Variants in SORBS3 observed in about 807,000 individuals in gnomAD.
SORBS3 encodes vinexin.
Under a neutral mutation model 98.0 loss-of-function variants are expected in SORBS3, and 69 were observed. That is an observed-to-expected ratio of 0.70 (90% confidence interval 0.58 to 0.86). SORBS3 has a LOEUF of 0.86. SORBS3 is among the 40% of genes least tolerant of loss of function. The pLI is 0.00. For synonymous variants in SORBS3, 394 were observed against 355.4 expected (o/e 1.11, Z -1.22); for missense variants, 954 against 908.5 (o/e 1.05, Z -0.64).
At chr8:22,570,215 G>C (rs1250665614) in intron 17 of SORBS3, among the ~76,000 whole-genome samples, 3 of 152,204 alleles carry the variant, frequency 2.0e-5, no homozygotes, top group South Asian at 2.1e-4. Context: ...AGGGACAGAG[G>C]GGGAAGAAGG....
Position 22,554,897 on chromosome 8 carries a change from T to G in SORBS3, c.137T>G (p.Leu46Arg). The G allele has an allele frequency of 6.3e-7, 1 of 1,585,774 alleles. No individual in the cohort carries two copies. The highest frequency in any genetic ancestry group is 8.6e-7 in the Non-Finnish European group (1 of 1,161,750). ...PVIRNGGSNT[L>R]NFQFHDPAPR... ...ATCCGGAATGGTGGCTCCAACACCC[T>G]TAATTTCCAGTTCCACGACCCCGCG... The change falls in exon 3 of 21, where the codon CTT becomes CGT. Residue 46 changes from leucine (L) to arginine (R), a missense_variant. Physicochemically the swap from Leu to Arg is moderately radical, Grantham distance 102. Coordinates refer to ENST00000240123, the MANE Select transcript of SORBS3 (RefSeq NM_005775.5). This position sits in a 1 kb window ranked among gnomAD's most constrained non-coding sequence, Gnocchi z 6.5.
intron 1 of SORBS3, among the ~76,000 whole-genome samples, chr8:22,553,419 G>A (rs1296846586): frequency 3.9e-5 from 6 of 152,216 alleles, no homozygotes; most frequent in Non-Finnish European, 7.3e-5. Context: ...CAGCCAAGAC[G>A]CGGAGGGATG....
At chr8:22,553,328 A>G (rs1426839427) in intron 1 of SORBS3, among the ~76,000 whole-genome samples, 3 of 152,276 alleles carry the variant, frequency 2.0e-5, no homozygotes, top group South Asian at 2.1e-4. Context: ...AGAGCCCCCA[A>G]GGACCCCACA....
chr8:22,571,035 G>C lies in SORBS3; in HGVS notation c.1557G>C (p.Arg519=). Residue 519 remains arginine, a synonymous_variant, in exon 18 of 21, where the codon CGG becomes CGC. Transcript: ENST00000240123. The part of the protein sequence containing the change: ...YVQVSREPRL[R]LCDDGPQLPT... ...AGGTGTCTCGTGAACCCCGGCTCCGGCTCTGTGACGACGGCCCCCAGCTCC... is the reference window on the plus strand; with the variant it reads ...AGGTGTCTCGTGAACCCCGGCTCCGCCTCTGTGACGACGGCCCCCAGCTCC... 1 of 1,613,494 alleles carries C rather than the reference G, an allele frequency of 6.2e-7. No homozygotes were observed. Among genetic ancestry groups the C allele is most frequent in the South Asian group, 1.1e-5 (1 of 91,074 alleles).
intron 10 of SORBS3, chr8:22,564,830 T>C (rs1485267028): frequency 1.6e-6 from 2 of 1,252,756 alleles, no homozygotes; most frequent in Admixed American, 7.4e-5. Flanking sequence ...AGGGCCTGAT[T>C]CGGCGAAGAC....
Position 22,569,231 on chromosome 8 carries a change from C to T in SORBS3, c.1389C>T (p.Tyr463=), listed in dbSNP as rs1242109898. The change falls in exon 17 of 21, where the codon TAC becomes TAT. Residue 463 remains tyrosine, a synonymous_variant. Coordinates refer to ENST00000240123, the MANE Select transcript of SORBS3 (RefSeq NM_005775.5). ...AGTATGGAGAGGCTGTGGCCCAGTA[C>T]ACCTTCAAGGGGGACCTGGAGGTGG... The part of the protein sequence containing the change: ...VLEYGEAVAQ[Y]TFKGDLEVEL... 1 of 1,609,928 alleles carries T rather than the reference C, an allele frequency of 6.2e-7. No homozygotes were observed. Among genetic ancestry groups the T allele is most frequent in the Admixed American group, 1.7e-5 (1 of 59,542 alleles).
intron 5 of SORBS3, among the ~76,000 whole-genome samples, chr8:22,558,707 T>C (rs1314327615): frequency 6.6e-6 from 1 of 152,194 alleles, no homozygotes; most frequent in African/African-American, 2.4e-5. Flanking sequence ...ACCTTTGACA[T>C]GACAGATGGT....
chr8:22,547,411 A>C (rs1179940537), upstream of SORBS3, among the ~76,000 whole-genome samples: 2 of 152,206 alleles, frequency 1.3e-5, no homozygotes, highest in African/African-American at 4.8e-5. Flanking sequence ...TGGTAAATGA[A>C]GCAGACTTTT....
intron 3 of SORBS3, 147 bp downstream of exon 3, chr8:22,555,127 A>G (rs570455784): frequency 2.9e-6 from 2 of 689,790 alleles, no homozygotes; most frequent in South Asian, 3.5e-5. Flanking sequence ...TGGGCTCACT[A>G]TGAGCCCCTC....
chr8:22,569,539 G>A (rs1217222982), intron 17 of SORBS3, among the ~76,000 whole-genome samples: 3 of 152,024 alleles, frequency 2.0e-5, no homozygotes, highest in South Asian at 2.1e-4. Flanking sequence ...AGGGTTTCAC[G>A]ATGTTGGCCA....
At chr8:22,569,483 G>A (rs1397516589) in intron 17 of SORBS3, among the ~76,000 whole-genome samples, 2 of 152,244 alleles carry the variant, frequency 1.3e-5, no homozygotes, top group East Asian at 3.9e-4. Context: ...GGGACTACAG[G>A]CACGCGCCAC....
chr8:22,546,762 G>A (rs1014047178), intron 1 of SORBS3, among the ~76,000 whole-genome samples: 1 of 152,242 alleles, frequency 6.6e-6, no homozygotes, highest in Non-Finnish European at 1.5e-5. Flanking sequence ...GGATTTGAAT[G>A]TGGAGTTGGC....
chr8:22,551,002 A>T (rs1050634881), upstream of SORBS3, among the ~76,000 whole-genome samples: 1 of 152,178 alleles, frequency 6.6e-6, no homozygotes, highest in African/African-American at 2.4e-5. This position sits in a 1 kb window ranked among gnomAD's most constrained non-coding sequence, Gnocchi z 5.8. Flanking sequence ...ACCAGAATGG[A>T]TGGGGAGCCG....
At chr8:22,551,859 C>CGCCCGGCCCG (rs1050420345), upstream of SORBS3, 3 of 984,966 alleles carry the variant, frequency 3.0e-6, no homozygotes, top group Non-Finnish European at 3.6e-6. This position sits in a 1 kb window ranked among gnomAD's most constrained non-coding sequence, Gnocchi z 5.8. Context: ...CCTGCGCCGG[C>CGCCCGGCCCG]GCCCGGCCCG....
chr8:22,564,480 CTGG>C lies in SORBS3; in HGVS notation c.779_781del (p.Val260del). The C allele has an allele frequency of 6.2e-7, 1 of 1,614,122 alleles. No homozygotes were observed. Among genetic ancestry groups the C allele is most frequent in the Non-Finnish European group, 8.5e-7 (1 of 1,180,024 alleles). ...TTCTACCCTTCAGCCCAAGAAACCG[CTGG>C]TGGACGACCCTGGTGAGAAGCCCTC... On this transcript the variant is annotated inframe_deletion, in exon 10 of 21. Transcript: ENST00000240123.
chr8:22,564,822 G>A, intron 10 of SORBS3: 1 of 1,318,708 alleles, frequency 7.6e-7, no homozygotes, highest in South Asian at 1.7e-5. Context: ...AAGCTCCGAG[G>A]GCCTGATTCG....
chr8:22,564,128 C>A, intron 8 of SORBS3, 51 bp downstream of exon 8: 1 of 1,564,482 alleles, frequency 6.4e-7, no homozygotes, highest in Non-Finnish European at 8.8e-7. Flanking sequence ...TGCCGTATGG[C>A]CAAGACCCTA....
At chr8:22,549,629 T>A (rs1292246919), upstream of SORBS3, among the ~76,000 whole-genome samples, 1 of 152,224 alleles carries the variant, frequency 6.6e-6, no homozygotes, top group East Asian at 1.9e-4. Context: ...TGGTGGATTC[T>A]GACCTGAGAG....
At position 22,570,942 on chromosome 8, in the gene SORBS3, C is replaced by G. The variant is rs191905902; in HGVS notation, c.1464C>G (p.Asn488Lys). 1 of 1,609,634 alleles carries G rather than the reference C, an allele frequency of 6.2e-7. No individual in the cohort carries two copies. Among genetic ancestry groups the G allele is most frequent in the Non-Finnish European group, 8.5e-7 (1 of 1,177,006 alleles). ...ACATCTGCCTGATCCGCAAGGTGAA[C>G]GAGAACTGGTACGAGGGACGCATCA... ...GEHICLIRKV[N>K]ENWYEGRITG... Residue 488 changes from asparagine (N) to lysine (K), a missense_variant, in exon 18 of 21, where the codon AAC becomes AAG. Coordinates refer to ENST00000240123, the MANE Select transcript of SORBS3 (RefSeq NM_005775.5).
Sources: allele counts gnomAD v4.1 joint callset (sites outside exome capture counted in the v4.1 genomes callset), GRCh38; gene constraint gnomAD v4.1.1; non-coding constraint Gnocchi (gnomAD v3.1); transcripts MANE v1.5; gene names NCBI Gene and HGNC (gene_info 2026-07-23, HGNC 2026-07-21).